Variants in BARX2 observed in about 807,000 individuals in gnomAD.
The protein encoded by BARX2 is BARX homeobox 2.
A neutral mutation model predicts 25.5 loss-of-function variants in BARX2; 11 were observed. The observed-to-expected ratio is 0.43, with a 90% CI of 0.27 to 0.71. The LOEUF is 0.71. Ranked by LOEUF, BARX2 falls within the 30% of genes least tolerant of loss-of-function variation. BARX2 has a pLI of 0.19. For synonymous variants in BARX2, 137 were observed against 149.5 expected (o/e 0.92, Z 0.61); for missense variants, 360 against 359.9 (o/e 1.00, Z 0.00).
chr11:129,391,145 G>A (rs1235311604), intron 1 of BARX2, among the ~76,000 whole-genome samples: 1 of 152,194 alleles, frequency 6.6e-6, no homozygotes, highest in Non-Finnish European at 1.5e-5. Flanking sequence ...ATGTATTATG[G>A]TGTTTCCACA....
intron 1 of BARX2, among the ~76,000 whole-genome samples, chr11:129,408,659 T>C (rs2135397032): frequency 6.6e-6 from 1 of 152,344 alleles, no homozygotes; most frequent in Middle Eastern, 3.4e-3. Flanking sequence ...AAATGTCTCC[T>C]CTTTGGAGAC....
At chr11:129,439,093 T>C (rs1218479008) in intron 2 of BARX2, among the ~76,000 whole-genome samples, 14 of 152,100 alleles carry the variant, frequency 9.2e-5, no homozygotes, top group Non-Finnish European at 1.9e-4. Flanking sequence ...ACTGCCTTTA[T>C]GAGCTGGAGG....
chr11:129,408,016 G>A (rs76966082), intron 1 of BARX2, among the ~76,000 whole-genome samples: 4,665 of 90,130 alleles, frequency 0.052, 105 homozygotes, highest in Middle Eastern at 0.13. Flanking sequence ...GCCAGACTCC[G>A]TCTCAAAAAA....
intron 3 of BARX2, among the ~76,000 whole-genome samples, chr11:129,444,871 G>A: frequency 6.6e-6 from 1 of 152,048 alleles, no homozygotes; most frequent in South Asian, 2.1e-4. Context: ...TGTGGTGTTG[G>A]TTGCCTGTAA....
At chr11:129,444,509 T>TTCCTTGTCCTAGGCACTATA (rs1441214092) in intron 3 of BARX2, among the ~76,000 whole-genome samples, 6 of 152,208 alleles carry the variant, frequency 3.9e-5, no homozygotes, top group African/African-American at 1.4e-4. Context: ...TTGTGAGCCA[T>TTCCTTGTCCTAGGCACTATA]TCCTTGTCCT....
At chr11:129,395,900 A>G (rs1347847839) in intron 1 of BARX2, among the ~76,000 whole-genome samples, 1 of 152,060 alleles carries the variant, frequency 6.6e-6, no homozygotes, top group Non-Finnish European at 1.5e-5. Context: ...TGCTATAGAG[A>G]TTGAGCGCAG....
At chr11:129,385,887 T>C (rs923688626) in intron 1 of BARX2, among the ~76,000 whole-genome samples, 1 of 152,362 alleles carries the variant, frequency 6.6e-6, no homozygotes, top group Middle Eastern at 3.4e-3. Flanking sequence ...TTTGATCTTT[T>C]TCTTAATAGC....
chr11:129,414,701 T>C (rs995883215), intron 1 of BARX2, among the ~76,000 whole-genome samples: 6 of 152,216 alleles, frequency 3.9e-5, no homozygotes, highest in Non-Finnish European at 7.3e-5. Context: ...TGTTGATGGC[T>C]CTGTTTTGAT....
At position 129,376,123 on chromosome 11, in the gene BARX2, A is replaced by G; in HGVS notation, c.88A>G (p.Ile30Val). Residue 30 changes from isoleucine to valine, a missense_variant, in exon 1 of 4, where the codon ATC (isoleucine) becomes GTC (valine). Ile to Val is a conservative substitution (Grantham distance 29). Coordinates refer to ENST00000281437, the MANE Select transcript of BARX2 (RefSeq NM_003658.5). The surrounding 1 kb of genome is among the most constrained non-coding windows in gnomAD (Gnocchi z 4.2). Reference protein sequence around the residue: ...RRYKTFMIDEILSKETCDYFE... With the variant: ...RRYKTFMIDEVLSKETCDYFE... ...CTACAAGACTTTCATGATCGACGAG[A>G]TCCTCTCCAAGGAGACCTGCGATTA... 1 of 1,613,384 alleles carries G rather than the reference A, an allele frequency of 6.2e-7. No homozygotes were observed. The highest frequency in any genetic ancestry group is 8.5e-7 in the Non-Finnish European group (1 of 1,179,712).
At chr11:129,411,812 A>G (rs759663880) in intron 1 of BARX2, among the ~76,000 whole-genome samples, 1 of 152,254 alleles carries the variant, frequency 6.6e-6, no homozygotes, top group Non-Finnish European at 1.5e-5. Flanking sequence ...TTAAAGGCTC[A>G]CAAGGTCTTT....
chr11:129,448,804 G>A (rs367547728), intron 3 of BARX2, among the ~76,000 whole-genome samples: 5 of 152,188 alleles, frequency 3.3e-5, no homozygotes, highest in African/African-American at 7.2e-5. Flanking sequence ...AGCAACCCAC[G>A]TGTCCATCAA....
chr11:129,399,673 G>T (rs1434650213), intron 1 of BARX2, among the ~76,000 whole-genome samples: 1 of 152,190 alleles, frequency 6.6e-6, no homozygotes, highest in Non-Finnish European at 1.5e-5. Flanking sequence ...TACCCCATAA[G>T]CAGTGTGCCC....
rs992703850 is a variant in BARX2, at chr11:129,390,649, A to G, written c.187+14427A>G. On this transcript the variant is annotated intron_variant, in intron 1 of 3. Coordinates refer to ENST00000281437, the MANE Select transcript of BARX2 (RefSeq NM_003658.5). The surrounding 1 kb of genome is among the most constrained non-coding windows in gnomAD (Gnocchi z 4.3). ...ATTTGTTGTCTCCAAGAGAAAAACA[A>G]ATTGAAAAATGAGAATGGAAGATTT... Among the ~76,000 whole-genome samples, 1 of 152,240 alleles carries G rather than the reference A, an allele frequency of 6.6e-6. No individual in the cohort carries two copies. The highest frequency in any genetic ancestry group is 2.4e-5 in the African/African-American group (1 of 41,544).
intron 1 of BARX2, among the ~76,000 whole-genome samples, chr11:129,423,874 T>G (rs1352466954): frequency 6.6e-6 from 1 of 151,576 alleles, no homozygotes; most frequent in Non-Finnish European, 1.5e-5. Flanking sequence ...TTTTTTTTTT[T>G]GTTGAGATGG....
rs12223897 is a variant in BARX2, at chr11:129,451,798, C to T, written c.*396C>T. The T allele has an allele frequency of 0.11, 18,005 of 166,632 alleles. 1,183 individuals carry two copies. Among genetic ancestry groups the T allele is most frequent in the East Asian group, 0.2 (1,209 of 5,964 alleles). 10.3% of individuals were successfully genotyped at this position (166,632 alleles called of 1,614,324 possible). ...CAGTCATCAAAGCAGAGAGACGTGG[C>T]GGCATGTGGGCAGCATGCCCAGGTT... On this transcript the variant is annotated 3_prime_UTR_variant, in exon 4 of 4. Coordinates refer to ENST00000281437, the MANE Select transcript of BARX2 (RefSeq NM_003658.5).
intron 1 of BARX2, among the ~76,000 whole-genome samples, chr11:129,398,895 T>C (rs1404482224): frequency 6.6e-6 from 1 of 152,232 alleles, no homozygotes; most frequent in Non-Finnish European, 1.5e-5. Context: ...TCTACGTGGC[T>C]GTGTTTGCTT....
intron 1 of BARX2, among the ~76,000 whole-genome samples, chr11:129,428,138 A>C (rs1437306759): frequency 6.6e-6 from 1 of 152,228 alleles, no homozygotes. Flanking sequence ...AAATGTGTTC[A>C]ATGGGGTCAT....
intron 1 of BARX2, among the ~76,000 whole-genome samples, chr11:129,402,697 C>T (rs1201983475): frequency 6.6e-6 from 1 of 152,214 alleles, no homozygotes; most frequent in African/African-American, 2.4e-5. Flanking sequence ...AGAGGATTAA[C>T]TGGTTGGTTA....
chr11:129,442,994 C>G (rs1249155957), intron 3 of BARX2, 75 bp downstream of exon 3: 3 of 1,388,130 alleles, frequency 2.2e-6, no homozygotes, highest in Non-Finnish European at 3.1e-6. Flanking sequence ...GGGAGGGAGG[C>G]CGGACCATTT....
Sources: gnomAD v4.1 joint callset for allele counts (sites outside exome capture counted in the v4.1 genomes callset) on GRCh38, gnomAD v4.1.1 for gene constraint, Gnocchi (gnomAD v3.1) non-coding constraint, MANE v1.5 for transcripts, NCBI Gene and HGNC (gene_info 2026-07-23, HGNC 2026-07-21) for gene names.